NACAD: variants seen among roughly 807,000 people sequenced by gnomAD.
NACAD encodes NAC-alpha domain-containing protein 1.
In NACAD, 47 loss-of-function variants were observed where a neutral mutation model predicts 98.9. The observed-to-expected ratio is 0.48, with a 90% CI of 0.38 to 0.61. The LOEUF (loss-of-function observed/expected upper bound fraction) is 0.61. NACAD is among the 20% of genes least tolerant of loss of function. The probability of loss-of-function intolerance (pLI) is 0.00; values close to 1 mark genes in which losing one functional copy is unlikely to be tolerated. For synonymous variants in NACAD, 696 were observed against 767.2 expected, an observed-to-expected ratio of 0.91 and a Z score of 1.53; for missense variants, 1,412 against 1,748.2, an observed-to-expected ratio of 0.81 and a Z score of 3.43.
In NACAD at chr7:45,081,016, C is replaced by A. The variant is rs867471307; in HGVS notation, c.4411G>T (p.Asp1471Tyr). 2 of 1,551,678 alleles carry A rather than the reference C, an allele frequency of 1.3e-6. No individual in the cohort carries two copies. The highest frequency in any genetic ancestry group is 1.7e-6 in the Non-Finnish European group (2 of 1,146,962). The change falls in exon 6 of 8, where the codon GAC (aspartate) becomes TAC (tyrosine). Residue 1471 changes from aspartate (D) to tyrosine (Y), a missense_variant. Asp to Tyr is a radical substitution (Grantham distance 160). This residue lies in a region of NACAD where 42 missense variants were observed against 82.5 expected (regional missense o/e 0.51). Transcript: ENST00000490531. ...YVVFGEAKIEDLSQQVHKAAA... is the reference protein window; with the variant it reads ...YVVFGEAKIEYLSQQVHKAAA... ...GCTTTGTGCACTTGCTGGGACAGGTCCTCAATCTGCAAAATGGAAGACAGC... is the reference window on the plus strand; with the variant it reads ...GCTTTGTGCACTTGCTGGGACAGGTACTCAATCTGCAAAATGGAAGACAGC...
Position 45,081,675 on chromosome 7 carries a change from G to A in NACAD, c.4186-3C>T, listed in dbSNP as rs1323556121. Reference sequence around the variant, plus strand: ...TCCTCACTGCCGCCTGCTGGGGCCTGAGAAAAGGTGAGGGCTGAGCATCCA... The same window carrying A: ...TCCTCACTGCCGCCTGCTGGGGCCTAAGAAAAGGTGAGGGCTGAGCATCCA... On this transcript the variant is annotated splice_region_variant and splice_polypyrimidine_tract_variant and intron_variant, in intron 3 of 7. Transcript: ENST00000490531. 2.6e-6 allele frequency: 4 copies of A among 1,551,302 alleles called. No homozygotes were observed. In the African/African-American group the frequency reaches 4.1e-5, roughly 16 times the overall value.
In NACAD at chr7:45,082,886, T is replaced by A; in HGVS notation, c.3294A>T (p.Gly1098=). The stretch of plus-strand genomic sequence containing the variant: ...GCGCATCGGGGACCTCCCTTGCACC[T>A]CCAAGTGCTGACCTGGGTCCATGTT... ...AQEHGPRSAL[G]GAREVPDAPP... The change falls in exon 2 of 8, where the codon GGA becomes GGT. Residue 1098 remains glycine, a synonymous_variant. Coordinates refer to ENST00000490531, the MANE Select transcript of NACAD (RefSeq NM_001146334.2). This position sits in a 1 kb window ranked among gnomAD's most constrained non-coding sequence, Gnocchi z 4.5. 3 of 1,550,776 alleles carry A rather than the reference T, an allele frequency of 1.9e-6. No homozygotes were observed.
rs545926885 is a variant in NACAD, at chr7:45,085,606, C to G, written c.574G>C (p.Gly192Arg). The change falls in exon 2 of 8, where the codon GGG becomes CGG. Residue 192 changes from glycine to arginine, a missense_variant. By Grantham distance (125) the Gly-to-Arg change is moderately radical. Coordinates refer to ENST00000490531, the MANE Select transcript of NACAD (RefSeq NM_001146334.2). The surrounding 1 kb of genome is among the most constrained non-coding windows in gnomAD (Gnocchi z 6.1). Reference protein sequence around the residue: ...KTTYALLPACGPHGDARDSEA... With the variant: ...KTTYALLPACRPHGDARDSEA... ...GAGTCCCTGGCGTCCCCGTGGGGCC[C>G]ACAGGCAGGAAGCAGGGCATAGGTG... The G allele has an allele frequency of 2.8e-5, 44 of 1,549,604 alleles. No homozygotes were observed. In the East Asian group the frequency reaches 9.5e-4, roughly 34 times the overall value.
In NACAD at chr7:45,085,109, C is replaced by A. The variant is rs13438759; in HGVS notation, c.1071G>T (p.Thr357=). 2.9e-4 allele frequency: 443 copies of A among 1,550,940 alleles called. No individual in the cohort carries two copies. Among genetic ancestry groups the A allele is most frequent in the Non-Finnish European group, 3.6e-4 (418 of 1,146,864 alleles). The change falls in exon 2 of 8, where the codon ACG becomes ACT. Residue 357 remains threonine, a synonymous_variant. Coordinates refer to ENST00000490531, the MANE Select transcript of NACAD (RefSeq NM_001146334.2). The surrounding 1 kb of genome is among the most constrained non-coding windows in gnomAD (Gnocchi z 6.1). ...ACAGTGACTGCAGGAAGGAGGCAGA[C>A]GTGCTGTCCTCCTCACCCTCCCCAG... ...DLAGEGEEDS[T]SASFLQSLSD...
chr7:45,084,829 T>G lies in NACAD; in HGVS notation c.1351A>C (p.Thr451Pro), dbSNP rs1584012293. ...VSWAVEAAPQ[T>P]SDRGAYLSQR... Reference sequence around the variant, plus strand: ...GACAGATAGGCCCCTCTGTCTGAGGTCTGAGGAGCAGCCTCCACGGCCCAG... The same window carrying G: ...GACAGATAGGCCCCTCTGTCTGAGGGCTGAGGAGCAGCCTCCACGGCCCAG... Residue 451 changes from threonine to proline, a missense_variant, in exon 2 of 8, where the codon ACC (threonine) becomes CCC (proline). Physicochemically the swap from Thr to Pro is conservative, Grantham distance 38. Transcript: ENST00000490531. 6.4e-7 allele frequency: 1 copy of G among 1,550,676 alleles called. No homozygotes were observed. Among genetic ancestry groups the G allele is most frequent in the Non-Finnish European group, 8.7e-7 (1 of 1,146,786 alleles).
In NACAD at chr7:45,082,887, C is replaced by T. The variant is rs1387878665; in HGVS notation, c.3293G>A (p.Gly1098Glu). 6.4e-7 allele frequency: 1 copy of T among 1,550,842 alleles called. No individual in the cohort carries two copies. Among genetic ancestry groups the T allele is most frequent in the Middle Eastern group, 1.7e-4 (1 of 5,992 alleles). ...CGCATCGGGGACCTCCCTTGCACCTCCAAGTGCTGACCTGGGTCCATGTTC... is the reference window on the plus strand; with the variant it reads ...CGCATCGGGGACCTCCCTTGCACCTTCAAGTGCTGACCTGGGTCCATGTTC... ...AQEHGPRSAL[G>E]GAREVPDAPP... Residue 1098 changes from glycine (G) to glutamate (E), a missense_variant, in exon 2 of 8, where the codon GGA becomes GAA. This residue lies in a region of NACAD where 572 missense variants were observed against 639.6 expected (regional missense o/e 0.89). Transcript: ENST00000490531. The surrounding 1 kb of genome is among the most constrained non-coding windows in gnomAD (Gnocchi z 4.5).
Position 45,081,279 on chromosome 7 carries a change from A to G in NACAD, c.4258-16T>C, listed in dbSNP as rs1269774280. On this transcript the variant is annotated splice_polypyrimidine_tract_variant and intron_variant, in intron 4 of 7. Coordinates refer to ENST00000490531, the MANE Select transcript of NACAD (RefSeq NM_001146334.2). ...TTGACATTGCCTGGGAGTAGAGGGC[A>G]GAGGGGGGCTCAGACCTGGTGTTGA... 1 of 1,550,370 alleles carries G rather than the reference A, an allele frequency of 6.5e-7. No individual in the cohort carries two copies. The highest frequency in any genetic ancestry group is 1.4e-5 in the African/African-American group (1 of 73,052).
At position 45,081,519 on chromosome 7, in the gene NACAD, A is replaced by G. The variant is rs1233078612; in HGVS notation, c.4257+82T>C. On this transcript the variant is annotated intron_variant, in intron 4 of 7. Transcript: ENST00000490531. ...CCTGATGGATGGGATTTCATTAGCC[A>G]TGGAGTGTGAGGGTCTTGGTAAGGA... 2.0e-6 allele frequency: 3 copies of G among 1,498,242 alleles called. No individual in the cohort carries two copies. In the African/African-American group the frequency reaches 4.2e-5, roughly 21 times the overall value. 92.8% of individuals were successfully genotyped at this position (1,498,242 alleles called of 1,614,324 possible).
chr7:45,083,460 G>C lies in NACAD; in HGVS notation c.2720C>G (p.Ser907Cys). The change falls in exon 2 of 8, where the codon TCC becomes TGC. Residue 907 changes from serine (S) to cysteine (C), a missense_variant. Physicochemically the swap from Ser to Cys is moderately radical, Grantham distance 112. Transcript: ENST00000490531. Reference protein sequence around the residue: ...PKPVAAATPVSQQAEEGLTLP... With the variant: ...PKPVAAATPVCQQAEEGLTLP... ...GGTGAGGCCCTCTTCAGCCTGCTGG[G>C]ACACAGGCGTGGCTGCAGCCACAGG... 1 of 1,544,820 alleles carries C rather than the reference G, an allele frequency of 6.5e-7. No individual in the cohort carries two copies. Among genetic ancestry groups the C allele is most frequent in the Non-Finnish European group, 8.7e-7 (1 of 1,146,032 alleles).
In NACAD at chr7:45,088,736, G is replaced by C. The variant is rs1784559610; in HGVS notation, c.67+92C>G. On this transcript the variant is annotated intron_variant, in intron 1 of 7. Transcript: ENST00000490531. The surrounding 1 kb of genome is among the most constrained non-coding windows in gnomAD (Gnocchi z 5.7). ...GGGACTCGAGGGGGGCCAGGGGGAT[G>C]GGGGAGAGGGGTGAAAGGTGAGCGA... The C allele has an allele frequency of 9.1e-7, 1 of 1,102,930 alleles. No individual in the cohort carries two copies. Among genetic ancestry groups the C allele is most frequent in the Non-Finnish European group, 1.2e-6 (1 of 825,718 alleles). 68.3% of individuals were successfully genotyped at this position (1,102,930 alleles called of 1,614,324 possible). A position where few individuals can be genotyped will look rare whatever the true frequency, so the allele number is the denominator to read the frequency against.
rs1339737586 is a variant in NACAD, at chr7:45,082,573, T to C, written c.3607A>G (p.Thr1203Ala). 3 of 1,544,888 alleles carry C rather than the reference T, an allele frequency of 1.9e-6. No homozygotes were observed. Among genetic ancestry groups the C allele is most frequent in the African/African-American group, 2.8e-5 (2 of 72,694 alleles). The change falls in exon 2 of 8, where the codon ACC becomes GCC. Residue 1203 changes from threonine (T) to alanine (A), a missense_variant. Coordinates refer to ENST00000490531, the MANE Select transcript of NACAD (RefSeq NM_001146334.2). The surrounding 1 kb of genome is among the most constrained non-coding windows in gnomAD (Gnocchi z 4.5). ...QPHEVPSVLG[T>A]PLLQPPENLA... ...TTTTCTGGGGGCTGCAGCAAGGGGG[T>C]GCCAAGGACACTGGGTACTTCGTGG...
chr7:45,081,521 G>GGAGTGT (rs1291417038), intron 4 of NACAD, 80 bp downstream of exon 4: 1 of 1,496,830 alleles, frequency 6.7e-7, no homozygotes, highest in Non-Finnish European at 9.1e-7. Flanking sequence ...CATTAGCCAT[G>GGAGTGT]GAGTGTGAGG....
rs73109832 is a variant in NACAD, at chr7:45,080,626, C to T, written c.4674+14G>A. The T allele has an allele frequency of 0.045, 70,172 of 1,551,338 alleles. 1,714 individuals are homozygous for T. Among genetic ancestry groups the T allele is most frequent in the Middle Eastern group, 0.064 (384 of 5,988 alleles). Reference sequence around the variant, plus strand: ...ACAGCTCAGGGGTAGGGAAAGGGGCCAGTGCTCACTCACCATGATGGCGTT... The same window carrying T: ...ACAGCTCAGGGGTAGGGAAAGGGGCTAGTGCTCACTCACCATGATGGCGTT... On this transcript the variant is annotated intron_variant, in intron 7 of 7. Coordinates refer to ENST00000490531, the MANE Select transcript of NACAD (RefSeq NM_001146334.2).
At position 45,082,128 on chromosome 7, in the gene NACAD, T is replaced by C; in HGVS notation, c.4052A>G (p.Asp1351Gly). The C allele has an allele frequency of 6.8e-7, 1 of 1,480,948 alleles. No individual in the cohort carries two copies. The highest frequency in any genetic ancestry group is 1.4e-5 in the South Asian group (1 of 71,358). The allele number at this position is 1,480,948 out of a possible 1,614,324, so 91.7% of individuals were successfully genotyped here. The change falls in exon 2 of 8, where the codon GAT becomes GGT. Residue 1351 changes from aspartate to glycine, a missense_variant. Physicochemically the swap from Asp to Gly is moderately conservative, Grantham distance 94. Transcript: ENST00000490531. This position sits in a 1 kb window ranked among gnomAD's most constrained non-coding sequence, Gnocchi z 4.5. ...CTTACCTTCCTCCAGGCTGTCCTCATCCTCTTGCTGCTCGGGGGCTGAGAG... is the reference window on the plus strand; with the variant it reads ...CTTACCTTCCTCCAGGCTGTCCTCACCCTCTTGCTGCTCGGGGGCTGAGAG... The part of the protein sequence containing the change: ...QGLSAPEQQE[D>G]EDSLEEDSPR...
At position 45,081,242 on chromosome 7, in the gene NACAD, G is replaced by A. The variant is rs912892842; in HGVS notation, c.4279C>T (p.Arg1427Trp). Residue 1427 changes from arginine (R) to tryptophan (W), a missense_variant, in exon 5 of 8, where the codon CGG (arginine) becomes TGG (tryptophan). Arg to Trp is a moderately radical substitution (Grantham distance 101). Around this residue, in one of 5 missense-constraint regions of NACAD, gnomAD observed 42 missense variants for 82.5 expected, o/e 0.51. Coordinates refer to ENST00000490531, the MANE Select transcript of NACAD (RefSeq NM_001146334.2). The part of the protein sequence containing the change: ...ARKAMSKLGL[R>W]QIQGVTRITI... The stretch of plus-strand genomic sequence containing the variant: ...ATCCTGGTGACTCCCTGAATCTGCC[G>A]CAAGCCCAGCTTTGACATTGCCTGG... 64 of 1,551,252 alleles carry A rather than the reference G, an allele frequency of 4.1e-5. No homozygotes were observed. Among genetic ancestry groups the A allele is most frequent in the East Asian group, 9.8e-5 (4 of 40,936 alleles).
In NACAD at chr7:45,084,704, T is replaced by A. The variant is rs1185877228; in HGVS notation, c.1476A>T (p.Pro492=). 7.7e-6 allele frequency: 12 copies of A among 1,551,126 alleles called. No individual in the cohort carries two copies. The highest frequency in any genetic ancestry group is 1.0e-5 in the Non-Finnish European group (12 of 1,146,854). The stretch of plus-strand genomic sequence containing the variant: ...TGGTAGCCACCTCCACCTGGAGGCC[T>A]GGGGCTACCTGCAGAGTGTGAGGGG... The part of the protein sequence containing the change: ...TVTPHTLQVA[P]GLQVEVATRV... Residue 492 remains proline, a synonymous_variant, in exon 2 of 8, where the codon CCA becomes CCT. Transcript: ENST00000490531.
chr7:45,083,153 A>G lies in NACAD; in HGVS notation c.3027T>C (p.Ala1009=). 2 of 1,550,842 alleles carry G rather than the reference A, an allele frequency of 1.3e-6. No homozygotes were observed. The highest frequency in any genetic ancestry group is 1.2e-5 in the South Asian group (1 of 84,068). Residue 1009 remains alanine (A), a synonymous_variant, in exon 2 of 8, where the codon GCT becomes GCC. Coordinates refer to ENST00000490531, the MANE Select transcript of NACAD (RefSeq NM_001146334.2). ...CTTCCTGTGCGGCCCAAGGTGTCCC[A>G]GCTTCTGCAGCTGGCTGTGGGTCAT... ...QQDDPQPAAE[A]GTPWAAQEDA... is the part of the protein sequence containing the mutation.
At position 45,084,778 on chromosome 7, in the gene NACAD, C is replaced by A. The variant is rs1347415865; in HGVS notation, c.1402G>T (p.Val468Leu). Residue 468 changes from valine (V) to leucine (L), a missense_variant, in exon 2 of 8, where the codon GTA becomes TTA. Coordinates refer to ENST00000490531, the MANE Select transcript of NACAD (RefSeq NM_001146334.2). Reference protein sequence around the residue: ...LSQRQELISEVTEEGLALGQE... With the variant: ...LSQRQELISELTEEGLALGQE... ...CCTAAAGCAAGGCCCTCTTCTGTTACTTCTGAGATCAATTCCTGTCTCTGG... is the reference window on the plus strand; with the variant it reads ...CCTAAAGCAAGGCCCTCTTCTGTTAATTCTGAGATCAATTCCTGTCTCTGG... 14 of 1,550,998 alleles carry A rather than the reference C, an allele frequency of 9.0e-6. No individual in the cohort carries two copies. Among genetic ancestry groups the A allele is most frequent in the Admixed American group, 2.0e-5 (1 of 50,952 alleles).
intron 7 of NACAD, 53 bp downstream of exon 7, chr7:45,080,587 C>A (rs1562926090): frequency 1.3e-6 from 2 of 1,551,302 alleles, no homozygotes; most frequent in Admixed American, 2.0e-5. Flanking sequence ...CAGGACCTCT[C>A]GAGGCCCTTG....
Sources: gnomAD v4.1 joint callset for allele counts on GRCh38, gnomAD v4.1.1 for gene constraint, gnomAD v4.1.1 regional missense constraint, Gnocchi (gnomAD v3.1) non-coding constraint, MANE v1.5 for transcripts, NCBI Gene and HGNC (gene_info 2026-07-23, HGNC 2026-07-21) for gene names.